The following EHBP1L1 variants were observed in gnomAD, a reference collection of about 807,000 sequenced individuals.
EHBP1L1 encodes EH domain binding protein 1 like 1, also known as EH domain-binding protein 1-like protein 1.
Under a neutral mutation model 151.1 loss-of-function variants are expected in EHBP1L1, and 122 were observed. The ratio of observed to expected loss-of-function variants is 0.81; its 90% CI spans 0.70 to 0.94. EHBP1L1 has a LOEUF of 0.94. Ranked by LOEUF, EHBP1L1 falls within the 40% of genes least tolerant of loss-of-function variation. EHBP1L1 has a pLI of 0.00. For synonymous variants in EHBP1L1, 878 were observed against 810.1 expected (o/e 1.08, Z -1.42); for missense variants, 1,941 against 1,959.8 (o/e 0.99, Z 0.18).
At chr11:65,576,630 G>A (rs1857341962) in intron 1 of EHBP1L1, among the ~76,000 whole-genome samples, 1 of 152,236 alleles carries the variant, frequency 6.6e-6, no homozygotes, top group African/African-American at 2.4e-5. Context: ...CGGGGGTCAG[G>A]ACTTTCAGGC....
In EHBP1L1 at chr11:65,580,358, C is replaced by T. The variant is rs752966663; in HGVS notation, c.513C>T (p.Leu171=). The change falls in exon 6 of 19, where the codon CTC becomes CTT. Residue 171 remains leucine (L), a synonymous_variant. Coordinates refer to ENST00000309295, the MANE Select transcript of EHBP1L1 (RefSeq NM_001099409.3). ...GRATDDDMQS[L]ASLMSVKPSD... ...CCAGGGACGATGACATGCAGAGTCT[C>T]GCAAGCCTCATGAGTGTGAAGCCTA... is the stretch of plus-strand genomic sequence containing the variant. 34 of 1,613,680 alleles carry T rather than the reference C, an allele frequency of 2.1e-5. No homozygotes were observed. The Middle Eastern group carries it at 1.2e-3, about 55-fold the overall frequency.
At chr11:65,580,294 G>A in intron 5 of EHBP1L1, 35 bp downstream of exon 5, 2 of 1,613,218 alleles carry the variant, frequency 1.2e-6, no homozygotes, top group Non-Finnish European at 1.7e-6. Context: ...ATCCTGGCCT[G>A]TGACCTCTGA....
intron 9 of EHBP1L1, 161 bp downstream of exon 9, chr11:65,583,926 C>T (rs991443377): frequency 7.1e-7 from 1 of 1,416,468 alleles, no homozygotes. Context: ...TCAGGATGCC[C>T]TGGCTCTCTT....
chr11:65,591,605 C>A (rs1425279297), intron 16 of EHBP1L1, 195 bp from the exon 17 acceptor site: 4 of 628,316 alleles, frequency 6.4e-6, no homozygotes, highest in Non-Finnish European at 1.2e-5. Flanking sequence ...AAACACCCAG[C>A]AATTGGAGAA....
rs757799715 is a variant in EHBP1L1 at position 65,581,066 on chromosome 11, C to G, written c.643C>G (p.Arg215Gly). 2 of 1,609,798 alleles carry G rather than the reference C, an allele frequency of 1.2e-6. No homozygotes were observed. The highest frequency in any genetic ancestry group is 1.1e-5 in the South Asian group (1 of 90,342). ...RARVPQPDPS[R>G]ELKTLCEEEE... ...TCTCCTACCATTCCCAGATCCCTCTCGAGAGCTGAAGACGCTTTGTGAGGA... is the reference window on the plus strand; with the variant it reads ...TCTCCTACCATTCCCAGATCCCTCTGGAGAGCTGAAGACGCTTTGTGAGGA... Residue 215 changes from arginine (R) to glycine (G), a missense_variant, in exon 7 of 19, where the codon CGA becomes GGA. By Grantham distance (125) the Arg-to-Gly change is moderately radical. Coordinates refer to ENST00000309295, the MANE Select transcript of EHBP1L1 (RefSeq NM_001099409.3).
rs551591125 is a variant in EHBP1L1 at position 65,579,061 on chromosome 11, C to A, written c.105-17C>A. ...AGCAGCCTGCTCCCTTTCTCCCTCC[C>A]CTTCCCCCTCCCCCAGGCAGCCAGA... On this transcript the variant is annotated splice_polypyrimidine_tract_variant and intron_variant, in intron 1 of 18. Transcript: ENST00000309295. 6.4e-7 allele frequency: 1 copy of A among 1,572,134 alleles called. No individual in the cohort carries two copies. Among genetic ancestry groups the A allele is most frequent in the Non-Finnish European group, 8.6e-7 (1 of 1,158,750 alleles).
Position 65,585,006 on chromosome 11 carries a change from C to G in EHBP1L1, c.3348C>G (p.Pro1116=), listed in dbSNP as rs770893865. ...TGGGCGTGTCGCGGCTGCTGGAGCC[C>G]GCGGACATGGTGCTACTGTCGGTGC... ...AALGVSRLLE[P]ADMVLLSVPD... Residue 1116 remains proline (P), a synonymous_variant, in exon 12 of 19, where the codon CCC becomes CCG. Transcript: ENST00000309295. The surrounding 1 kb of genome is among the most constrained non-coding windows in gnomAD (Gnocchi z 4.0). 2 of 1,535,054 alleles carry G rather than the reference C, an allele frequency of 1.3e-6. No individual in the cohort carries two copies. Among genetic ancestry groups the G allele is most frequent in the Admixed American group, 2.0e-5 (1 of 51,038 alleles).
Position 65,592,388 on chromosome 11 carries a change from C to T in EHBP1L1, c.*86C>T, listed in dbSNP as rs1858382778. 19 of 1,052,604 alleles carry T rather than the reference C, an allele frequency of 1.8e-5. No individual in the cohort carries two copies. Among genetic ancestry groups the T allele is most frequent in the Non-Finnish European group, 2.0e-5 (17 of 853,642 alleles). 65.2% of individuals were successfully genotyped at this position (1,052,604 alleles called of 1,614,324 possible). A position where few individuals can be genotyped will look rare whatever the true frequency, so the allele number is the denominator to read the frequency against. ...CCTGCGCTGCGGACGACCCGGCCGT[C>T]CCGGAGGCCGCGCGCGTGTCCGCTA... On this transcript the variant is annotated 3_prime_UTR_variant, in exon 19 of 19. Coordinates refer to ENST00000309295, the MANE Select transcript of EHBP1L1 (RefSeq NM_001099409.3).
At position 65,584,741 on chromosome 11, in the gene EHBP1L1, C is replaced by T. The variant is rs919808672; in HGVS notation, c.3300+207C>T. On this transcript the variant is annotated intron_variant, in intron 11 of 18. Transcript: ENST00000309295. ...GTTTTTCCTCCCTTAGATGGTTTTT[C>T]CAAAACCACCCTTTGGTAACGGGGT... The T allele has an allele frequency of 2.6e-5, 26 of 982,184 alleles. No individual in the cohort carries two copies. In the Admixed American group the frequency reaches 5.2e-4, roughly 20 times the overall value. The allele number at this position is 982,184 out of a possible 1,614,324, so 60.8% of individuals were successfully genotyped here. A position where few individuals can be genotyped will look rare whatever the true frequency, so the allele number is the denominator to read the frequency against.
In EHBP1L1 at chr11:65,580,807, C is replaced by T. The variant is rs2135249815; in HGVS notation, c.635-251C>T. 4.1e-6 allele frequency: 4 copies of T among 980,452 alleles called. No homozygotes were observed. The South Asian group carries it at 5.7e-5, about 14-fold the overall frequency. The allele number at this position is 980,452 out of a possible 1,614,324, so 60.7% of individuals were successfully genotyped here. ...GGCTCCTGATCCCTCACCACCAGCC[C>T]TCCTGGGCCAGCTGGGGCTTCCTCA... On this transcript the variant is annotated intron_variant, in intron 6 of 18. Coordinates refer to ENST00000309295, the MANE Select transcript of EHBP1L1 (RefSeq NM_001099409.3).
rs2135324730 is a variant in EHBP1L1 at position 65,589,992 on chromosome 11, G to C, written c.4059+1G>C. ...AAGCCCAGGGGAGGAGGCTGGGCTG[G>C]TAAGGAGGGCTAAGTGGGAGGAGCT... On this transcript the variant is annotated splice_donor_variant, in intron 14 of 18. Coordinates refer to ENST00000309295, the MANE Select transcript of EHBP1L1 (RefSeq NM_001099409.3). LOFTEE classifies it high-confidence loss of function. 6.2e-7 allele frequency: 1 copy of C among 1,602,084 alleles called. No individual in the cohort carries two copies. Among genetic ancestry groups the C allele is most frequent in the East Asian group, 2.2e-5 (1 of 44,558 alleles).
chr11:65,586,299 A>G (rs983292575), intron 12 of EHBP1L1, among the ~76,000 whole-genome samples: 4 of 152,216 alleles, frequency 2.6e-5, no homozygotes, highest in Non-Finnish European at 5.9e-5. Context: ...GGATTTGCTC[A>G]GTGACCCACA....
intron 2 of EHBP1L1, 35 bp downstream of exon 2, chr11:65,579,170 G>A: frequency 1.3e-6 from 2 of 1,573,132 alleles, no homozygotes; most frequent in South Asian, 2.3e-5. Context: ...TCCAGGTTAG[G>A]GATGGGGGCC....
At chr11:65,587,511 ACT>A (rs1185475513) in intron 12 of EHBP1L1, among the ~76,000 whole-genome samples, 1 of 152,008 alleles carries the variant, frequency 6.6e-6, no homozygotes, top group East Asian at 1.9e-4. Context: ...TCAGCTCAGC[ACT>A]CTTTATGTGC....
At chr11:65,591,400 C>T (rs975096677) in intron 16 of EHBP1L1, 3 of 327,528 alleles carry the variant, frequency 9.2e-6, no homozygotes, top group Admixed American at 9.6e-5. Flanking sequence ...GAGATCTGAT[C>T]TGGTTCCCAT....
At chr11:65,587,793 C>T (rs566034517) in intron 12 of EHBP1L1, among the ~76,000 whole-genome samples, 2 of 152,326 alleles carry the variant, frequency 1.3e-5, no homozygotes, top group South Asian at 4.1e-4. Context: ...TTAGACAACC[C>T]TGGGCCCTAG....
intron 12 of EHBP1L1, 110 bp from the exon 13 acceptor site, chr11:65,589,641 G>C: frequency 7.0e-7 from 1 of 1,424,586 alleles, no homozygotes; most frequent in Non-Finnish European, 9.2e-7. Flanking sequence ...GGGCGGGCAG[G>C]AGCTGGGGTC....
intron 13 of EHBP1L1, 26 bp from the exon 14 acceptor site, chr11:65,589,910 T>G (rs1590837819): frequency 6.5e-7 from 1 of 1,538,768 alleles, no homozygotes; most frequent in Non-Finnish European, 8.8e-7. Context: ...GGTTAGGGGG[T>G]GCCTTATCAT....
At position 65,590,087 on chromosome 11, in the gene EHBP1L1, CA is replaced by C; in HGVS notation, c.4062del (p.Gln1354HisfsTer24). The C allele has an allele frequency of 1.9e-6, 3 of 1,613,852 alleles. No homozygotes were observed. Among genetic ancestry groups the C allele is most frequent in the Non-Finnish European group, 2.5e-6 (3 of 1,179,812 alleles). ...PPSPGEEAGLQRFQDTSQYVC... is the reference protein window; with the variant it reads ...PPSPGEEAGLXRFQDTSQYVC... ...TGTTCTCTGCCTTTTCCACCCCCAG[CA>C]ACGGTTCCAGGACACAAGTCAGTAC... On this transcript the variant is annotated frameshift_variant and splice_region_variant, in exon 15 of 19. Transcript: ENST00000309295. LOFTEE classifies it high-confidence loss of function.
Sources: gnomAD v4.1 joint callset for allele counts (sites outside exome capture counted in the v4.1 genomes callset) on GRCh38, gnomAD v4.1.1 for gene constraint, Gnocchi (gnomAD v3.1) non-coding constraint, MANE v1.5 for transcripts, NCBI Gene and HGNC (gene_info 2026-07-23, HGNC 2026-07-21) for gene names.